The following PRKD1 variants were observed in gnomAD, a reference collection of about 807,000 sequenced individuals.
The protein encoded by PRKD1 is serine/threonine-protein kinase D1.
PRKD1 carries 63 observed loss-of-function variants against 95.9 expected under a neutral mutation model. The ratio of observed to expected loss-of-function variants is 0.66; its 90% CI spans 0.54 to 0.81. The LOEUF (loss-of-function observed/expected upper bound fraction) is 0.81. Ranked by LOEUF, PRKD1 falls within the 30% of genes least tolerant of loss-of-function variation. The pLI, the probability that PRKD1 is intolerant of heterozygous loss-of-function variation, is 0.00. For synonymous variants in PRKD1, 425 were observed against 423.1 expected (o/e 1.00, Z -0.05); for missense variants, 1,048 against 1,165.3 (o/e 0.90, Z 1.47).
Position 29,638,704 on chromosome 14 carries a change from C to T in PRKD1, c.897G>A (p.Leu299=), listed in dbSNP as rs764605873. The change falls in exon 5 of 18, where the codon TTG becomes TTA. Residue 299 remains leucine, a synonymous_variant. Coordinates refer to ENST00000331968, the MANE Select transcript of PRKD1 (RefSeq NM_002742.3). ...KLLKGLFRQG[L]QCKDCRFNCH... ...CAAAATCATCCTTACCTTTGCACTG[C>T]AAGCCCTGCCTGAAAAGCCCCTTCA... 5.0e-6 allele frequency: 8 copies of T among 1,614,122 alleles called. No homozygotes were observed. The highest frequency in any genetic ancestry group is 6.8e-6 in the Non-Finnish European group (8 of 1,180,014).
At position 29,774,923 on chromosome 14, in the gene PRKD1, G is replaced by A. The variant is rs1888669712; in HGVS notation, c.265-49249C>T. Among the ~76,000 whole-genome samples, 4 of 152,122 alleles carry A rather than the reference G, an allele frequency of 2.6e-5. No homozygotes were observed. The South Asian group carries it at 8.3e-4, about 31-fold the overall frequency. The stretch of plus-strand genomic sequence containing the variant: ...AGATGTCTGTGAAGGACAAATCAGG[G>A]GAGAGGTTGGAAAACCAGACTATTT... On this transcript the variant is annotated intron_variant, in intron 1 of 17. Coordinates refer to ENST00000331968, the MANE Select transcript of PRKD1 (RefSeq NM_002742.3).
intron 1 of PRKD1, among the ~76,000 whole-genome samples, chr14:29,792,414 G>A (rs2139197011): frequency 6.6e-6 from 1 of 152,176 alleles, no homozygotes; most frequent in Admixed American, 6.5e-5. Context: ...CTGCTTTGGT[G>A]TTATTATCAA....
At position 29,891,480 on chromosome 14, in the gene PRKD1, T is replaced by A. The variant is rs534409760; in HGVS notation, c.264+35769A>T. Reference sequence around the variant, plus strand: ...ACTATTGCAGGCCACCTTCTATGCCTCTGCCTTCTTCATCTTCATATTACA... The same window carrying A: ...ACTATTGCAGGCCACCTTCTATGCCACTGCCTTCTTCATCTTCATATTACA... On this transcript the variant is annotated intron_variant, in intron 1 of 17. Transcript: ENST00000331968. Among the ~76,000 whole-genome samples, 5 of 152,302 alleles carry A rather than the reference T, an allele frequency of 3.3e-5. No individual in the cohort carries two copies. The South Asian group carries it at 8.3e-4, about 25-fold the overall frequency.
intron 1 of PRKD1, among the ~76,000 whole-genome samples, chr14:29,874,234 A>G (rs530303697): frequency 2.0e-5 from 3 of 152,322 alleles, no homozygotes; most frequent in Non-Finnish European, 2.9e-5. Context: ...AAAGTGCTCA[A>G]TATCACTAAG....
chr14:29,613,149 A>C (rs924945724), intron 13 of PRKD1, among the ~76,000 whole-genome samples: 3 of 152,274 alleles, frequency 2.0e-5, no homozygotes, highest in Admixed American at 6.5e-5. Flanking sequence ...TATTTGAAGA[A>C]ATATAGTACA....
chr14:29,823,116 A>C (rs772533224), intron 1 of PRKD1, among the ~76,000 whole-genome samples: 9 of 152,172 alleles, frequency 5.9e-5, no homozygotes, highest in Non-Finnish European at 1.3e-4. Context: ...AAATAACTGA[A>C]TATACTATGT....
chr14:29,772,442 A>T (rs35975962), intron 1 of PRKD1, among the ~76,000 whole-genome samples: 1 of 152,076 alleles, frequency 6.6e-6, no homozygotes, highest in Non-Finnish European at 1.5e-5. Context: ...TGGACTTGTG[A>T]GCAATACATT....
chr14:29,838,102 T>C (rs759625313), intron 1 of PRKD1, among the ~76,000 whole-genome samples: 1 of 152,196 alleles, frequency 6.6e-6, no homozygotes, highest in Non-Finnish European at 1.5e-5. Context: ...GACCTCAGCA[T>C]GCTTTGTGAA....
At chr14:29,799,680 T>C (rs1889949010) in intron 1 of PRKD1, among the ~76,000 whole-genome samples, 1 of 152,254 alleles carries the variant, frequency 6.6e-6, no homozygotes, top group African/African-American at 2.4e-5. Flanking sequence ...ACTGCTTATG[T>C]AGATCTGATC....
At chr14:29,627,742 C>T (rs796852359) in intron 11 of PRKD1, among the ~76,000 whole-genome samples, 92 of 152,208 alleles carry the variant, frequency 6.0e-4, no homozygotes, top group African/African-American at 2.0e-3. Flanking sequence ...TCTCCATATC[C>T]TATAAACCCT....
chr14:29,864,254 T>C (rs748878678), intron 1 of PRKD1, among the ~76,000 whole-genome samples: 3 of 151,954 alleles, frequency 2.0e-5, no homozygotes, highest in African/African-American at 4.8e-5. Flanking sequence ...ACAGAAAGAA[T>C]CAAAGAACAT....
At chr14:29,853,042 A>AC (rs746347480) in intron 1 of PRKD1, among the ~76,000 whole-genome samples, 2 of 152,336 alleles carry the variant, frequency 1.3e-5, no homozygotes, top group Non-Finnish European at 2.9e-5. Flanking sequence ...AGGATGAAAA[A>AC]AGATAGTTCA....
rs1282481453 is a variant in PRKD1 at position 29,579,054 on chromosome 14, A to G, written c.2435-694T>C. Among the ~76,000 whole-genome samples the G allele has an allele frequency of 5.3e-5, 8 of 152,042 alleles. No homozygotes were observed. The East Asian group carries it at 1.6e-3, about 30-fold the overall frequency. On this transcript the variant is annotated intron_variant, in intron 16 of 17. Coordinates refer to ENST00000331968, the MANE Select transcript of PRKD1 (RefSeq NM_002742.3). ...AAGAAATGTTCTCTGAGGGGTTAGA[A>G]CCACAATCCCTCTGGCCTAGTACTC... is the stretch of plus-strand genomic sequence containing the variant.
At chr14:29,843,353 A>C (rs1891942681) in intron 1 of PRKD1, among the ~76,000 whole-genome samples, 1 of 152,204 alleles carries the variant, frequency 6.6e-6, no homozygotes, top group Admixed American at 6.5e-5. Context: ...CTATTGTTTA[A>C]GTCACCCATT....
In PRKD1 at chr14:29,595,109, T is replaced by A. The variant is rs536184794; in HGVS notation, c.2434+2382A>T. Among the ~76,000 whole-genome samples, 45 of 152,206 alleles carry A rather than the reference T, an allele frequency of 3.0e-4. 1 individual carries two copies. The South Asian group carries it at 8.9e-3, about 30-fold the overall frequency. On this transcript the variant is annotated intron_variant, in intron 16 of 17. Coordinates refer to ENST00000331968, the MANE Select transcript of PRKD1 (RefSeq NM_002742.3). ...GTCATTTGGAAAAGTGAGGGTTCTA[T>A]CTCCCATCTGAGCTGGTCTCCATAT...
At chr14:29,627,678 A>G (rs1879714653) in intron 11 of PRKD1, among the ~76,000 whole-genome samples, 1 of 119,808 alleles carries the variant, frequency 8.3e-6, no homozygotes, top group Non-Finnish European at 1.8e-5. Flanking sequence ...CTGCACATGT[A>G]CCCCAGAAGT....
chr14:29,608,227 G>A (rs981002285), intron 13 of PRKD1, among the ~76,000 whole-genome samples: 4 of 151,396 alleles, frequency 2.6e-5, no homozygotes, highest in African/African-American at 9.7e-5. Context: ...AGATGTATAG[G>A]GCTTCATATT....
intron 4 of PRKD1, among the ~76,000 whole-genome samples, chr14:29,652,148 G>A (rs570630713): frequency 7.2e-5 from 11 of 152,242 alleles, no homozygotes; most frequent in Middle Eastern, 3.4e-3. Flanking sequence ...TTAGATGGAC[G>A]CAGATGCCCA....
chr14:29,585,647 C>G (rs957784642), intron 16 of PRKD1, among the ~76,000 whole-genome samples: 3 of 152,036 alleles, frequency 2.0e-5, no homozygotes, highest in Non-Finnish European at 4.4e-5. Flanking sequence ...TATATTTTGG[C>G]TAAAAATATT....
Sources: allele counts gnomAD v4.1 joint callset (sites outside exome capture counted in the v4.1 genomes callset), GRCh38; gene constraint gnomAD v4.1.1; transcripts MANE v1.5; gene names NCBI Gene and HGNC (gene_info 2026-07-23, HGNC 2026-07-21).